TESK2: variants seen among roughly 807,000 people sequenced by gnomAD.
TESK2 encodes the protein dual specificity testis-specific protein kinase 2.
A neutral mutation model predicts 57.1 loss-of-function variants in TESK2; 39 were observed. The observed-to-expected ratio is 0.68, with a 90% CI of 0.53 to 0.89. TESK2 has a LOEUF of 0.89. TESK2 is among the 40% of genes least tolerant of loss of function. The probability of loss-of-function intolerance (pLI) is 0.00; values close to 1 mark genes in which losing one functional copy is unlikely to be tolerated. For missense variants in TESK2, 646 were observed against 732.1 expected (o/e 0.88, Z 1.36); for synonymous variants, 249 against 267.9 (o/e 0.93, Z 0.69).
chr1:45,401,260 G>T (rs896117078), intron 3 of TESK2, among the ~76,000 whole-genome samples: 2 of 151,748 alleles, frequency 1.3e-5, no homozygotes, highest in African/African-American at 4.8e-5. Context: ...AGCTGGGCGT[G>T]GTTGCAGCTG....
rs748929918 is a variant in TESK2 at position 45,344,937 on chromosome 1, T to C, written c.1619A>G (p.Glu540Gly). 4.3e-6 allele frequency: 7 copies of C among 1,614,082 alleles called. No individual in the cohort carries two copies. The East Asian group carries it at 6.7e-5, about 15-fold the overall frequency. The stretch of plus-strand genomic sequence containing the variant: ...TGGCCTTTCTTCTACCTCCATCTCC[T>C]CAGAAGCACCCGCAGGGCATGGACT... ...GTSPCPAGAS[E>G]EMEVEERPAG... The change falls in exon 11 of 11, where the codon GAG (glutamate) becomes GGG (glycine). Residue 540 changes from glutamate to glycine, a missense_variant. Coordinates refer to ENST00000372086, the MANE Select transcript of TESK2 (RefSeq NM_007170.3).
intron 1 of TESK2, among the ~76,000 whole-genome samples, chr1:45,478,510 A>G (rs1368534948): frequency 1.3e-5 from 2 of 152,196 alleles, no homozygotes; most frequent in Non-Finnish European, 2.9e-5. Context: ...CAGTGGAGAA[A>G]AAGCAAAATA....
chr1:45,453,687 T>C (rs1330172792), intron 2 of TESK2, among the ~76,000 whole-genome samples: 1 of 152,080 alleles, frequency 6.6e-6, no homozygotes, highest in Non-Finnish European at 1.5e-5. Flanking sequence ...AAAAATTAAT[T>C]TGACTTAATC....
At chr1:45,417,842 C>T (rs12118264) in intron 3 of TESK2, among the ~76,000 whole-genome samples, 12,142 of 152,194 alleles carry the variant, frequency 0.08, 664 homozygotes, top group Middle Eastern at 0.16. Context: ...CCGCCCACCT[C>T]GGCCTCCTAA....
intron 4 of TESK2, among the ~76,000 whole-genome samples, chr1:45,383,240 A>G (rs1206001154): frequency 6.6e-6 from 1 of 152,182 alleles, no homozygotes; most frequent in Non-Finnish European, 1.5e-5. Context: ...ATTTTTTATT[A>G]TCCTTACCAT....
intron 1 of TESK2, among the ~76,000 whole-genome samples, chr1:45,468,779 G>A (rs1652653528): frequency 6.6e-6 from 1 of 152,122 alleles, no homozygotes; most frequent in African/African-American, 2.4e-5. Flanking sequence ...AGCACTACTG[G>A]TATTTTAGTG....
chr1:45,392,804 A>G (rs1334413323), intron 3 of TESK2, among the ~76,000 whole-genome samples: 1 of 152,192 alleles, frequency 6.6e-6, no homozygotes, highest in Non-Finnish European at 1.5e-5. Context: ...CGGCCTCCCA[A>G]AGTGCTAGGA....
chr1:45,364,703 C>T (rs572437998), intron 4 of TESK2, among the ~76,000 whole-genome samples: 1 of 152,286 alleles, frequency 6.6e-6, no homozygotes, highest in South Asian at 2.1e-4. Flanking sequence ...AAACATCTAA[C>T]TAACAGTGCT....
intron 1 of TESK2, among the ~76,000 whole-genome samples, chr1:45,474,858 A>G (rs1002745832): frequency 6.6e-6 from 1 of 151,400 alleles, no homozygotes; most frequent in African/African-American, 2.4e-5. Flanking sequence ...ATGCTGGAAT[A>G]TGAAATAACA....
rs1653703514 is a variant in TESK2, at chr1:45,491,132, G to A, written c.-367C>T. The A allele has an allele frequency of 6.6e-6, 1 of 152,268 alleles. No individual in the cohort carries two copies. The allele number at this position is 152,268 out of a possible 1,614,324, so 9.4% of individuals were successfully genotyped here. ...GACCAGCGAAGCCAACAGGGCAGCT[G>A]GTAGCTCTGCTGAGCTCCCGGGCCG... On this transcript the variant is annotated 5_prime_UTR_variant, in exon 1 of 11. Coordinates refer to ENST00000372086, the MANE Select transcript of TESK2 (RefSeq NM_007170.3).
At chr1:45,466,788 T>G (rs963945956) in intron 1 of TESK2, among the ~76,000 whole-genome samples, 3 of 151,466 alleles carry the variant, frequency 2.0e-5, no homozygotes, top group Non-Finnish European at 4.4e-5. Context: ...TATATGAACT[T>G]AGATATGTTA....
intron 2 of TESK2, among the ~76,000 whole-genome samples, chr1:45,437,362 T>C (rs1369915256): frequency 1.3e-5 from 2 of 152,150 alleles, no homozygotes; most frequent in Admixed American, 1.3e-4. Flanking sequence ...TTTCAGCTAA[T>C]TAGTGGTGTA....
At chr1:45,475,501 C>T (rs1652953320) in intron 1 of TESK2, among the ~76,000 whole-genome samples, 3 of 152,188 alleles carry the variant, frequency 2.0e-5, no homozygotes, top group Non-Finnish European at 2.9e-5. Context: ...GCCCCCACCA[C>T]ACCCGGCCAA....
At chr1:45,405,962 C>A (rs1172927487) in intron 3 of TESK2, among the ~76,000 whole-genome samples, 2 of 152,062 alleles carry the variant, frequency 1.3e-5, no homozygotes, top group Non-Finnish European at 2.9e-5. Flanking sequence ...GTGGCTCACA[C>A]CTGCAATCCC....
rs534242257 is a variant in TESK2, at chr1:45,391,172, T to C, written c.345-5212A>G. ...ACCTCGTGATCCGCCCCCCTCAGCC[T>C]CCCAAAGTGCTGGGATTACAGGTGT... On this transcript the variant is annotated intron_variant, in intron 3 of 10. Coordinates refer to ENST00000372086, the MANE Select transcript of TESK2 (RefSeq NM_007170.3). Among the ~76,000 whole-genome samples, 64 of 148,732 alleles carry C rather than the reference T, an allele frequency of 4.3e-4. No individual in the cohort carries two copies. The South Asian group carries it at 0.013, about 30-fold the overall frequency.
chr1:45,375,040 G>A (rs1403320032), intron 4 of TESK2, among the ~76,000 whole-genome samples: 1 of 152,096 alleles, frequency 6.6e-6, no homozygotes, highest in Non-Finnish European at 1.5e-5. Context: ...CTTTTTTGCA[G>A]TCTTTATGTA....
At chr1:45,441,589 T>G (rs758142676) in intron 2 of TESK2, among the ~76,000 whole-genome samples, 5 of 150,784 alleles carry the variant, frequency 3.3e-5, no homozygotes, top group Non-Finnish European at 7.4e-5. Context: ...ATTACAAGCA[T>G]GAACCACTGC....
intron 4 of TESK2, among the ~76,000 whole-genome samples, chr1:45,374,824 T>G (rs1648339229): frequency 6.6e-6 from 1 of 152,200 alleles, no homozygotes; most frequent in South Asian, 2.1e-4. Flanking sequence ...CCTCCTATAG[T>G]CTTCCCATCT....
chr1:45,360,403 C>T (rs1190229386), intron 4 of TESK2, among the ~76,000 whole-genome samples: 2 of 152,024 alleles, frequency 1.3e-5, no homozygotes, highest in East Asian at 1.9e-4. Flanking sequence ...AACTGAGTGC[C>T]AGGCAGAAGA....
Sources: gnomAD v4.1 joint callset for allele counts (sites outside exome capture counted in the v4.1 genomes callset) on GRCh38, gnomAD v4.1.1 for gene constraint, MANE v1.5 for transcripts, NCBI Gene and HGNC (gene_info 2026-07-23, HGNC 2026-07-21) for gene names.